KCNMA1: variants seen among roughly 807,000 people sequenced by gnomAD.
The protein encoded by KCNMA1 is Calcium-activated potassium channel subunit alpha-1.
Under a neutral mutation model 140.0 loss-of-function variants are expected in KCNMA1, and 29 were observed. That is an observed-to-expected ratio of 0.21 (90% CI 0.15 to 0.28). The LOEUF (loss-of-function observed/expected upper bound fraction) is 0.28, where lower values mean the gene tolerates loss of function less well. KCNMA1 is among the 10% of genes least tolerant of loss of function. The pLI, the probability that KCNMA1 is intolerant of heterozygous loss-of-function variation, is 1.00. For synonymous variants in KCNMA1, 612 were observed against 611.9 expected (o/e 1.00, Z 0.00); for missense variants, 880 against 1,602.2 (o/e 0.55, Z 7.70).
chr10:77,574,260 G>GTATATATATA (rs139904997), intron 1 of KCNMA1, among the ~76,000 whole-genome samples: 2 of 148,492 alleles, frequency 1.3e-5, no homozygotes, highest in African/African-American at 4.9e-5. Flanking sequence ...CTATGCGTGT[G>GTATATATATA]TATATATATA....
intron 1 of KCNMA1, among the ~76,000 whole-genome samples, chr10:77,575,051 G>T (rs1382893624): frequency 6.6e-6 from 1 of 152,136 alleles, no homozygotes; most frequent in African/African-American, 2.4e-5. Flanking sequence ...ATGATGACCA[G>T]AACCCTGTGT....
Position 77,518,367 on chromosome 10 carries a change from A to T in KCNMA1, c.379-114344T>A, listed in dbSNP as rs149527316. ...TTCAGCACCCAGAACAGGCCAACAC[A>T]TGGCAGGCCCTGGGACTGAAATTTC... On this transcript the variant is annotated intron_variant, in intron 1 of 27. Coordinates refer to ENST00000286628, the MANE Select transcript of KCNMA1 (RefSeq NM_001161352.2). Among the ~76,000 whole-genome samples, 352 of 152,340 alleles carry T rather than the reference A, an allele frequency of 2.3e-3. 6 individuals carry two copies. The South Asian group carries it at 0.026, about 11-fold the overall frequency.
At chr10:77,216,170 G>A (rs1356829833) in intron 3 of KCNMA1, among the ~76,000 whole-genome samples, 1 of 152,156 alleles carries the variant, frequency 6.6e-6, no homozygotes, top group African/African-American at 2.4e-5. Flanking sequence ...TAGTTGCCTA[G>A]GGCTGAGAAG....
intron 19 of KCNMA1, among the ~76,000 whole-genome samples, chr10:76,984,471 T>C (rs1439605297): frequency 2.0e-5 from 3 of 152,200 alleles, no homozygotes; most frequent in Admixed American, 6.5e-5. Context: ...GTTACAGACG[T>C]GAGCCACTGC....
At chr10:77,107,869 A>T (rs1341903382) in intron 9 of KCNMA1, among the ~76,000 whole-genome samples, 1 of 152,190 alleles carries the variant, frequency 6.6e-6, no homozygotes. Context: ...GATGACCTGG[A>T]TCTGCCACCC....
At chr10:77,085,955 G>T (rs531619899) in intron 11 of KCNMA1, among the ~76,000 whole-genome samples, 3 of 152,112 alleles carry the variant, frequency 2.0e-5, no homozygotes, top group South Asian at 2.1e-4. Context: ...AAAAAGATTC[G>T]CCCATTATCA....
chr10:76,928,420 C>A (rs1356136039), intron 23 of KCNMA1, among the ~76,000 whole-genome samples: 3 of 152,098 alleles, frequency 2.0e-5, no homozygotes, highest in African/African-American at 7.2e-5. Context: ...GGAACTCAGA[C>A]CCCGCCCCCA....
chr10:77,200,920 A>C (rs370689354), intron 3 of KCNMA1, among the ~76,000 whole-genome samples: 1 of 152,172 alleles, frequency 6.6e-6, no homozygotes, highest in Non-Finnish European at 1.5e-5. Context: ...GGTTAGTCAT[A>C]CCGTCAAGCC....
At chr10:77,224,042 C>T (rs2050531408) in intron 3 of KCNMA1, among the ~76,000 whole-genome samples, 1 of 152,214 alleles carries the variant, frequency 6.6e-6, no homozygotes, top group Admixed American at 6.5e-5. Flanking sequence ...GGAAGAGGTG[C>T]TGCCCATGAG....
At chr10:77,163,372 T>C (rs2098594014) in intron 5 of KCNMA1, among the ~76,000 whole-genome samples, 1 of 152,204 alleles carries the variant, frequency 6.6e-6, no homozygotes, top group Non-Finnish European at 1.5e-5. Flanking sequence ...GTGGAGATCA[T>C]ACAGCCCCTG....
intron 2 of KCNMA1, among the ~76,000 whole-genome samples, chr10:77,256,102 A>G (rs1368183410): frequency 1.3e-5 from 2 of 152,170 alleles, no homozygotes; most frequent in African/African-American, 4.8e-5. Context: ...ACAGCCAAGC[A>G]TAGACTATTC....
At chr10:76,919,437 T>A (rs1484172049) in intron 23 of KCNMA1, among the ~76,000 whole-genome samples, 1 of 152,042 alleles carries the variant, frequency 6.6e-6, no homozygotes, top group African/African-American at 2.4e-5. Context: ...TTTTATTCAT[T>A]CAGCATGAGA....
chr10:77,253,799 G>A (rs963881740), intron 2 of KCNMA1, among the ~76,000 whole-genome samples: 1 of 152,174 alleles, frequency 6.6e-6, no homozygotes, highest in Non-Finnish European at 1.5e-5. Flanking sequence ...TGCTCCCTGG[G>A]GAGATGATCT....
intron 5 of KCNMA1, among the ~76,000 whole-genome samples, chr10:77,127,900 G>A (rs1045082517): frequency 1.3e-5 from 2 of 152,046 alleles, no homozygotes; most frequent in African/African-American, 4.8e-5. Context: ...CTTGAACCTG[G>A]GAGGTGGAAG....
intron 3 of KCNMA1, among the ~76,000 whole-genome samples, chr10:77,227,247 A>G (rs1454458479): frequency 6.6e-6 from 1 of 152,234 alleles, no homozygotes; most frequent in Non-Finnish European, 1.5e-5. Context: ...ACAGATAGGA[A>G]AAGCAATTGA....
rs140378130 is a variant in KCNMA1 at position 77,496,369 on chromosome 10, G to C, written c.379-92346C>G. ...CCCAGCACTTTGGGAGGCCGAGATG[G>C]GCATATCACAAGGTCAGGAGATCGA... On this transcript the variant is annotated intron_variant, in intron 1 of 27. Coordinates refer to ENST00000286628, the MANE Select transcript of KCNMA1 (RefSeq NM_001161352.2). Among the ~76,000 whole-genome samples, 85 of 152,144 alleles carry C rather than the reference G, an allele frequency of 5.6e-4. 3 individuals are homozygous for C. The East Asian group carries it at 0.016, about 29-fold the overall frequency.
intron 19 of KCNMA1, among the ~76,000 whole-genome samples, chr10:76,985,938 T>A (rs2081150315): frequency 6.6e-6 from 1 of 152,206 alleles, no homozygotes; most frequent in African/African-American, 2.4e-5. Context: ...AATAAAAAAG[T>A]ACTCTAAAGA....
At chr10:77,523,637 T>C (rs1050201713) in intron 1 of KCNMA1, among the ~76,000 whole-genome samples, 2 of 152,276 alleles carry the variant, frequency 1.3e-5, no homozygotes, top group Non-Finnish European at 2.9e-5. Flanking sequence ...TTTCTTGATT[T>C]GGATGTTAGT....
At chr10:77,209,101 G>A (rs923325849) in intron 3 of KCNMA1, among the ~76,000 whole-genome samples, 4 of 152,054 alleles carry the variant, frequency 2.6e-5, no homozygotes, top group East Asian at 3.9e-4. Context: ...CTGTCTCTTC[G>A]CCTCTCCTCT....
Sources: allele counts gnomAD v4.1 joint callset (sites outside exome capture counted in the v4.1 genomes callset), GRCh38; gene constraint gnomAD v4.1.1; transcripts MANE v1.5; gene names NCBI Gene and HGNC (gene_info 2026-07-23, HGNC 2026-07-21).